Variants in PIK3AP1 observed in about 807,000 individuals in gnomAD.
The protein encoded by PIK3AP1 is phosphoinositide 3-kinase adapter protein 1.
PIK3AP1 carries 21 observed loss-of-function variants against 88.1 expected under a neutral mutation model. The observed-to-expected ratio is 0.24, with a 90% CI of 0.17 to 0.34. The LOEUF is 0.34. Ranked by LOEUF, PIK3AP1 falls within the 10% of genes least tolerant of loss-of-function variation. The pLI, the probability that PIK3AP1 is intolerant of heterozygous loss-of-function variation, is 1.00. For missense variants in PIK3AP1, 828 were observed against 1,035.7 expected (o/e 0.80, Z 2.75); for synonymous variants, 398 against 400.0 (o/e 1.00, Z 0.06).
intron 8 of PIK3AP1, among the ~76,000 whole-genome samples, chr10:96,629,632 C>G (rs901178937): frequency 2.9e-5 from 4 of 138,044 alleles, no homozygotes; most frequent in Non-Finnish European, 6.0e-5. Context: ...AATCCCAACA[C>G]TTTGGGAGGC....
rs1478836030 is a variant in PIK3AP1 at position 96,613,061 on chromosome 10, C to T, written c.2015-3194G>A. 3.1e-5 allele frequency among the ~76,000 whole-genome samples: 4 copies of T among 131,130 alleles called. No individual in the cohort carries two copies. The East Asian group carries it at 6.7e-4, about 22-fold the overall frequency. 86.0% of individuals were successfully genotyped at this position (131,130 alleles called of 152,430 possible). On this transcript the variant is annotated intron_variant, in intron 13 of 16. Coordinates refer to ENST00000339364, the MANE Select transcript of PIK3AP1 (RefSeq NM_152309.3). ...TCGCCCACGCTGGAGTGCAGTGGTG[C>T]GATCTTGGCTCACTGCAGCCTCCGC...
intron 11 of PIK3AP1, among the ~76,000 whole-genome samples, chr10:96,622,150 C>T (rs1388673875): frequency 6.6e-6 from 1 of 152,276 alleles, no homozygotes; most frequent in Non-Finnish European, 1.5e-5. Flanking sequence ...CAGTGGAATC[C>T]TGACACAGGC....
chr10:96,651,126 G>T, intron 6 of PIK3AP1, 122 bp downstream of exon 6: 1 of 1,303,386 alleles, frequency 7.7e-7, no homozygotes, highest in Non-Finnish European at 1.1e-6. Context: ...CACAGGATAG[G>T]TTATAGAGAA....
chr10:96,631,507 A>G (rs1464302653), intron 8 of PIK3AP1, among the ~76,000 whole-genome samples: 3 of 152,220 alleles, frequency 2.0e-5, no homozygotes, highest in Non-Finnish European at 4.4e-5. Context: ...GCATGCTCAT[A>G]TATATGGATG....
intron 2 of PIK3AP1, among the ~76,000 whole-genome samples, chr10:96,676,144 C>T (rs1347324150): frequency 6.6e-6 from 1 of 152,050 alleles, no homozygotes; most frequent in Non-Finnish European, 1.5e-5. Flanking sequence ...CTGTCCCATG[C>T]CAGCTGTGAA....
At chr10:96,715,158 G>C (rs982336512) in intron 1 of PIK3AP1, among the ~76,000 whole-genome samples, 17 of 152,148 alleles carry the variant, frequency 1.1e-4, no homozygotes, top group African/African-American at 4.1e-4. Context: ...TACCTCTGTG[G>C]TCTTCCTCCC....
At chr10:96,698,768 A>T (rs1844254864) in intron 2 of PIK3AP1, among the ~76,000 whole-genome samples, 2 of 152,024 alleles carry the variant, frequency 1.3e-5, no homozygotes, top group African/African-American at 4.8e-5. Context: ...AAAATAAATA[A>T]AGCAGTGTTA....
chr10:96,608,953 C>T (rs1226772940), intron 14 of PIK3AP1, among the ~76,000 whole-genome samples: 1 of 152,186 alleles, frequency 6.6e-6, no homozygotes, highest in Non-Finnish European at 1.5e-5. Flanking sequence ...CTTGTGAAGC[C>T]AATGTGTCTG....
rs767579377 is a variant in PIK3AP1 at position 96,595,247 on chromosome 10, T to C, written c.*330A>G. 4.3e-4 allele frequency: 131 copies of C among 305,826 alleles called. No homozygotes were observed. The highest frequency in any genetic ancestry group is 9.7e-4 in the Middle Eastern group (1 of 1,036). 18.9% of individuals were successfully genotyped at this position (305,826 alleles called of 1,614,324 possible). The stretch of plus-strand genomic sequence containing the variant: ...TATAAGTGCATTTCAGTAAAATCAC[T>C]GGTGAAGTACATTTATGATCATTCT... On this transcript the variant is annotated 3_prime_UTR_variant, in exon 17 of 17. Coordinates refer to ENST00000339364, the MANE Select transcript of PIK3AP1 (RefSeq NM_152309.3).
At chr10:96,699,516 C>T (rs892655693) in intron 2 of PIK3AP1, among the ~76,000 whole-genome samples, 5 of 152,082 alleles carry the variant, frequency 3.3e-5, no homozygotes, top group Admixed American at 3.3e-4. Flanking sequence ...TTTTGAATTT[C>T]ACATATGGCC....
Position 96,707,332 on chromosome 10 carries a change from G to A in PIK3AP1, c.430+2235C>T, listed in dbSNP as rs568414134. Among the ~76,000 whole-genome samples, 40 of 152,142 alleles carry A rather than the reference G, an allele frequency of 2.6e-4. No individual in the cohort carries two copies. The South Asian group carries it at 5.8e-3, about 22-fold the overall frequency. On this transcript the variant is annotated intron_variant, in intron 2 of 16. Transcript: ENST00000339364. ...TTTTGAGACGGAGTCTTGCTCTGTC[G>A]CCCAGGCTGGAGTGCAGTGGCACAA...
intron 16 of PIK3AP1, among the ~76,000 whole-genome samples, chr10:96,597,485 C>G (rs1848794701): frequency 6.6e-6 from 1 of 151,810 alleles, no homozygotes; most frequent in Non-Finnish European, 1.5e-5. Context: ...CAAGATGATG[C>G]AAGTGTGTGG....
intron 2 of PIK3AP1, among the ~76,000 whole-genome samples, chr10:96,686,862 C>A (rs1427143551): frequency 6.6e-6 from 1 of 152,124 alleles, no homozygotes. Flanking sequence ...CCACAATGGC[C>A]CACTCTGCCC....
intron 2 of PIK3AP1, among the ~76,000 whole-genome samples, chr10:96,664,664 A>G (rs1843737515): frequency 6.6e-6 from 1 of 152,224 alleles, no homozygotes; most frequent in East Asian, 1.9e-4. Context: ...GATATTTCCC[A>G]GCATTCAGAC....
rs1324788273 is a variant in PIK3AP1 at position 96,602,394 on chromosome 10, T to C, written c.2246A>G (p.Asn749Ser). 1 of 1,610,114 alleles carries C rather than the reference T, an allele frequency of 6.2e-7. No homozygotes were observed. The highest frequency in any genetic ancestry group is 8.5e-7 in the Non-Finnish European group (1 of 1,176,756). Residue 749 changes from asparagine to serine, a missense_variant, in exon 16 of 17, where the codon AAT becomes AGT. Physicochemically the swap from Asn to Ser is conservative, Grantham distance 46. Coordinates refer to ENST00000339364, the MANE Select transcript of PIK3AP1 (RefSeq NM_152309.3). ...SSGMEGDNED[N>S]EVPEVTRSRS... Reference sequence around the variant, plus strand: ...ACTTCTGGTAACCTCAGGGACTTCATTATCCTACAGCAAAGAAGATGAGAA... The same window carrying C: ...ACTTCTGGTAACCTCAGGGACTTCACTATCCTACAGCAAAGAAGATGAGAA...
intron 13 of PIK3AP1, among the ~76,000 whole-genome samples, chr10:96,612,374 T>G (rs1849128751): frequency 6.6e-6 from 1 of 152,214 alleles, no homozygotes; most frequent in Non-Finnish European, 1.5e-5. Context: ...ACAGTCTTAA[T>G]TTTTAATTCT....
chr10:96,632,962 A>G, intron 8 of PIK3AP1: 3 of 1,612,890 alleles, frequency 1.9e-6, no homozygotes, highest in Non-Finnish European at 1.7e-6. Context: ...GGCAGTGAAG[A>G]GAGCTGGTCT....
At chr10:96,629,805 G>T (rs1843214661) in intron 8 of PIK3AP1, among the ~76,000 whole-genome samples, 1 of 147,702 alleles carries the variant, frequency 6.8e-6, no homozygotes. Flanking sequence ...GAACTGGGAG[G>T]ATTGCTTGGG....
intron 1 of PIK3AP1, among the ~76,000 whole-genome samples, chr10:96,715,747 G>A (rs921684813): frequency 1.3e-4 from 19 of 151,914 alleles, no homozygotes; most frequent in Non-Finnish European, 2.5e-4. Flanking sequence ...AAAATTAGCC[G>A]GGAATTGTGG....
Sources: allele counts gnomAD v4.1 joint callset (sites outside exome capture counted in the v4.1 genomes callset), GRCh38; gene constraint gnomAD v4.1.1; transcripts MANE v1.5; gene names NCBI Gene and HGNC (gene_info 2026-07-23, HGNC 2026-07-21).